Variants in XPA observed in about 807,000 individuals in gnomAD.
The protein encoded by XPA is XPA, DNA damage recognition and repair factor.
XPA carries 27 observed loss-of-function variants against 35.7 expected under a neutral mutation model. The ratio of observed to expected loss-of-function variants is 0.76; its 90% CI spans 0.56 to 1.04. XPA has a LOEUF of 1.04. Ranked by LOEUF, XPA falls within the 50% of genes least tolerant of loss-of-function variation. XPA has a pLI of 0.00. For synonymous variants in XPA, 133 were observed against 118.4 expected (o/e 1.12, Z -0.80); for missense variants, 354 against 342.7 (o/e 1.03, Z -0.26).
At chr9:97,657,904 C>CTATA in the XPA span, among the ~76,000 whole-genome samples, 1 of 70,220 alleles carries the variant, frequency 1.4e-5, no homozygotes, top group Non-Finnish European at 2.9e-5. Flanking sequence ...CTCTCTCTCT[C>CTATA]TCTATATATA....
At chr9:97,672,790 AT>A (rs138594277), downstream of XPA, 10 of 159,844 alleles carry the variant, frequency 6.3e-5, no homozygotes, top group Non-Finnish European at 1.1e-4. Flanking sequence ...TAGTAAATAT[AT>A]TTTTTTCTTA....
intron 2 of XPA, among the ~76,000 whole-genome samples, chr9:97,692,273 G>A (rs1178867373): frequency 3.3e-5 from 5 of 151,762 alleles, no homozygotes; most frequent in Non-Finnish European, 7.4e-5. Context: ...CCTGGGCAAC[G>A]AGAGTGAAAC....
chr9:97,689,391 T>C, intron 3 of XPA, 143 bp downstream of exon 3: 1 of 665,220 alleles, frequency 1.5e-6, no homozygotes, highest in East Asian at 2.7e-5. Flanking sequence ...TTTGGCAAAA[T>C]AGAAACCATA....
At chr9:97,678,602 A>G (rs1053842374) in intron 5 of XPA, among the ~76,000 whole-genome samples, 2 of 152,224 alleles carry the variant, frequency 1.3e-5, no homozygotes, top group South Asian at 2.1e-4. Flanking sequence ...CTGACTGCCA[A>G]TTGCTTAAAT....
chr9:97,673,406 T>C (rs960189602), downstream of XPA: 1 of 152,222 alleles, frequency 6.6e-6, no homozygotes, highest in Non-Finnish European at 1.5e-5. Context: ...CACAATGTAC[T>C]GAAAAGTGTG....
intron 5 of XPA, chr9:97,682,343 T>C (rs768394691): frequency 1.9e-6 from 1 of 518,964 alleles, no homozygotes; most frequent in Admixed American, 1.9e-5. Flanking sequence ...CTGAGAAAAC[T>C]GCACAGTAAG....
At position 97,689,676 on chromosome 9, in the gene XPA, A is replaced by G. The variant is rs2131400165; in HGVS notation, c.284-37T>C. 5.7e-6 allele frequency: 7 copies of G among 1,223,722 alleles called. No homozygotes were observed. In the South Asian group the frequency reaches 6.2e-5, roughly 11 times the overall value. The allele number at this position is 1,223,722 out of a possible 1,614,324, so 75.8% of individuals were successfully genotyped here. A position where few individuals can be genotyped will look rare whatever the true frequency, so the allele number is the denominator to read the frequency against. On this transcript the variant is annotated intron_variant, in intron 2 of 5. Transcript: ENST00000375128. ...AAAATGAACTCTAGTTTCCTTTTTT[A>G]TGACTAGAACAATATATTTTCCTCT...
At chr9:97,667,910 T>C in the XPA span, among the ~76,000 whole-genome samples, 1 of 152,136 alleles carries the variant, frequency 6.6e-6, no homozygotes, top group East Asian at 1.9e-4. Flanking sequence ...AACCTTACCT[T>C]TGAGTGGTGT....
chr9:97,666,523 A>C, the XPA span, among the ~76,000 whole-genome samples: 1 of 152,196 alleles, frequency 6.6e-6, no homozygotes. Context: ...AAATAAGAAA[A>C]ATGACTACAC....
At chr9:97,684,588 GT>G (rs1297452825) in intron 5 of XPA, among the ~76,000 whole-genome samples, 1 of 152,168 alleles carries the variant, frequency 6.6e-6, no homozygotes, top group Non-Finnish European at 1.5e-5. Context: ...TGGTAGGTGT[GT>G]TTTTTATAAC....
At chr9:97,691,753 T>C (rs1282803592) in intron 2 of XPA, among the ~76,000 whole-genome samples, 2 of 151,538 alleles carry the variant, frequency 1.3e-5, no homozygotes, top group African/African-American at 4.8e-5. Flanking sequence ...CATGGTAGTG[T>C]GTGCCTGTAG....
chr9:97,689,792 A>G (rs1158337952), intron 2 of XPA, among the ~76,000 whole-genome samples, 153 bp from the exon 3 acceptor site: 1 of 152,202 alleles, frequency 6.6e-6, no homozygotes, highest in African/African-American at 2.4e-5. Context: ...TCTAAAAAAA[A>G]AAATTAAAGA....
At chr9:97,657,941 T>TG in the XPA span, among the ~76,000 whole-genome samples, 3 of 142,502 alleles carry the variant, frequency 2.1e-5, 1 homozygote, top group South Asian at 4.4e-4. Flanking sequence ...TTTTTTTTTT[T>TG]TTAACGTCCC....
intron 5 of XPA, among the ~76,000 whole-genome samples, chr9:97,681,402 C>G (rs1828534331): frequency 6.6e-6 from 1 of 152,200 alleles, no homozygotes; most frequent in Non-Finnish European, 1.5e-5. Flanking sequence ...GTCTCCCGAA[C>G]TCTCTTGAGA....
intron 5 of XPA, among the ~76,000 whole-genome samples, chr9:97,684,059 T>C (rs1828629358): frequency 7.1e-6 from 1 of 141,104 alleles, no homozygotes; most frequent in African/African-American, 3.2e-5. Context: ...TTTAAGACTC[T>C]TTTAGGGATT....
Position 97,687,230 on chromosome 9 carries a change from TG to T in XPA, c.420del (p.Thr142GlnfsTer9). ...RDADDKHKLI[T>X]KTEAKQEYLL... is the part of the protein sequence containing the mutation. Reference sequence around the variant, plus strand: ...AGATATTCTTGTTTTGCCTCTGTTTTGGTTATAAGCTTGTGTTTATCATCAG... The same window carrying T: ...AGATATTCTTGTTTTGCCTCTGTTTTGTTATAAGCTTGTGTTTATCATCAG... On this transcript the variant is annotated frameshift_variant, in exon 4 of 6. Transcript: ENST00000375128. LOFTEE classifies it high-confidence loss of function. 1 of 1,609,846 alleles carries T rather than the reference TG, an allele frequency of 6.2e-7. No homozygotes were observed. Among genetic ancestry groups the T allele is most frequent in the Non-Finnish European group, 8.5e-7 (1 of 1,178,250 alleles).
rs1165082541 is a variant in XPA, at chr9:97,675,660, G to C, written c.674-73C>G. 32 of 1,572,674 alleles carry C rather than the reference G, an allele frequency of 2.0e-5. No individual in the cohort carries two copies. The Admixed American group carries it at 2.7e-4, about 13-fold the overall frequency. Reference sequence around the variant, plus strand: ...GAATCCAAAAATCCAACTCCATCAAGCTTTCAGCCATGTACATGTGTGTGT... The same window carrying C: ...GAATCCAAAAATCCAACTCCATCAACCTTTCAGCCATGTACATGTGTGTGT... On this transcript the variant is annotated intron_variant, in intron 5 of 5. Transcript: ENST00000375128.
At chr9:97,665,728 A>G in the XPA span, among the ~76,000 whole-genome samples, 4 of 152,304 alleles carry the variant, frequency 2.6e-5, no homozygotes, top group East Asian at 1.9e-4. Context: ...GAACAACAAC[A>G]GGGGTTAGAG....
intron 5 of XPA, among the ~76,000 whole-genome samples, chr9:97,677,317 T>G (rs945954538): frequency 1.3e-5 from 2 of 152,212 alleles, no homozygotes; most frequent in African/African-American, 4.8e-5. Context: ...TATGTCAGGC[T>G]ATATAATGGT....
Sources: gnomAD v4.1 joint callset for allele counts (sites outside exome capture counted in the v4.1 genomes callset) on GRCh38, gnomAD v4.1.1 for gene constraint, MANE v1.5 for transcripts, NCBI Gene and HGNC (gene_info 2026-07-23, HGNC 2026-07-21) for gene names.